The following TNNI3K variants were observed in gnomAD, a reference collection of about 807,000 sequenced individuals.
The protein encoded by TNNI3K is TNNI3 interacting kinase, also known as serine/threonine-protein kinase TNNI3K.
A neutral mutation model predicts 114.5 loss-of-function variants in TNNI3K; 140 were observed. That is an observed-to-expected ratio of 1.22 (90% CI 1.07 to 1.41). TNNI3K has a LOEUF of 1.41. TNNI3K is among the 40% of genes most tolerant of loss of function. The pLI, the probability that TNNI3K is intolerant of heterozygous loss-of-function variation, is 0.00. For missense variants in TNNI3K, 1,125 were observed against 1,007.6 expected (o/e 1.12, Z -1.58); for synonymous variants, 347 against 347.5 (o/e 1.00, Z 0.02).
At chr1:74,432,064 G>C (rs560458146) in intron 17 of TNNI3K, among the ~76,000 whole-genome samples, 1 of 151,518 alleles carries the variant, frequency 6.6e-6, no homozygotes, top group African/African-American at 2.4e-5. Context: ...GCAAGTCTGT[G>C]TATGTGTGTG....
chr1:74,384,771 G>A (rs965091638), intron 17 of TNNI3K, among the ~76,000 whole-genome samples: 4 of 152,040 alleles, frequency 2.6e-5, no homozygotes, highest in African/African-American at 9.7e-5. Flanking sequence ...TCCTGAACTT[G>A]TTAAATTTTT....
At chr1:74,446,175 G>A (rs377543248) in intron 20 of TNNI3K, among the ~76,000 whole-genome samples, 1,970 of 151,922 alleles carry the variant, frequency 0.013, 33 homozygotes, top group East Asian at 0.054. Context: ...AAGTGTTCCT[G>A]TTTCTCCACA....
chr1:74,339,484 C>T (rs1208833506), intron 7 of TNNI3K, among the ~76,000 whole-genome samples: 3 of 152,006 alleles, frequency 2.0e-5, no homozygotes, highest in African/African-American at 7.2e-5. Context: ...TAGATCTGGA[C>T]CCTGCTTGTG....
At chr1:74,356,338 C>A (rs1661654207) in intron 11 of TNNI3K, among the ~76,000 whole-genome samples, 1 of 152,096 alleles carries the variant, frequency 6.6e-6, no homozygotes, top group African/African-American at 2.4e-5. Flanking sequence ...TATGAACATT[C>A]ATATATGTAG....
intron 2 of TNNI3K, 23 bp downstream of exon 2, chr1:74,236,233 TTCTTTGTATAAGTG>T: frequency 6.3e-7 from 1 of 1,586,416 alleles, no homozygotes; most frequent in Non-Finnish European, 8.6e-7. Flanking sequence ...GAGTCATTAT[TTCTTTGTATAAGTG>T]TCTTCAGTAT....
Position 74,492,088 on chromosome 1 carries a change from T to A in TNNI3K, c.2182-9T>A, listed in dbSNP as rs756149659. 10 of 1,524,212 alleles carry A rather than the reference T, an allele frequency of 6.6e-6. No individual in the cohort carries two copies. In the South Asian group the frequency reaches 1.3e-4, roughly 20 times the overall value. 94.4% of individuals were successfully genotyped at this position (1,524,212 alleles called of 1,614,324 possible). A position where few individuals can be genotyped will look rare whatever the true frequency, so the allele number is the denominator to read the frequency against. ...ATTAAACAATTGAAATTGCCCCTCC[T>A]CCACTCAGCTGATGTCTCCTGCATC... On this transcript the variant is annotated splice_polypyrimidine_tract_variant and intron_variant, in intron 22 of 24. Transcript: ENST00000326637.
At chr1:74,247,656 T>C (rs1193855176) in intron 2 of TNNI3K, among the ~76,000 whole-genome samples, 1 of 151,998 alleles carries the variant, frequency 6.6e-6, no homozygotes, top group African/African-American at 2.4e-5. Flanking sequence ...GCATTTACAA[T>C]CCTCTAGCTA....
At chr1:74,329,044 ACTGACAGAT>A (rs1660062248) in intron 5 of TNNI3K, among the ~76,000 whole-genome samples, 1 of 152,106 alleles carries the variant, frequency 6.6e-6, no homozygotes. Flanking sequence ...TGGAGCCTCT[ACTGACAGAT>A]GGCTTCTTCC....
rs115753067 is a variant in TNNI3K, at chr1:74,467,088, C to G, written c.2121+3538C>G. ...AAAAAGAGTAACACTTGAGCTGAGG[C>G]CATAAACAGTAGTTTTCTGAAAGAA... On this transcript the variant is annotated intron_variant, in intron 21 of 24. Coordinates refer to ENST00000326637, the MANE Select transcript of TNNI3K (RefSeq NM_015978.3). Among the ~76,000 whole-genome samples, 1,490 of 152,126 alleles carry G rather than the reference C, an allele frequency of 9.8e-3. 14 individuals carry two copies. Among genetic ancestry groups the G allele is most frequent in the African/African-American group, 0.03 (1,234 of 41,496 alleles).
intron 20 of TNNI3K, among the ~76,000 whole-genome samples, chr1:74,458,219 G>A (rs1055940171): frequency 1.3e-5 from 2 of 152,112 alleles, no homozygotes; most frequent in African/African-American, 4.8e-5. Context: ...TCACATGCTA[G>A]TAAGAGGGCA....
At chr1:74,345,929 T>A (rs1240292447) in intron 9 of TNNI3K, 1 of 152,226 alleles carries the variant, frequency 6.6e-6, no homozygotes, top group Non-Finnish European at 1.5e-5. Context: ...TTTCAACAAA[T>A]CTGTGTGCAA....
intron 5 of TNNI3K, among the ~76,000 whole-genome samples, chr1:74,289,340 A>G (rs1390854634): frequency 6.6e-6 from 1 of 151,996 alleles, no homozygotes; most frequent in Non-Finnish European, 1.5e-5. Flanking sequence ...TCTTCTCCCC[A>G]TTTAATATAT....
At chr1:74,368,672 C>A (rs968801772) in intron 13 of TNNI3K, among the ~76,000 whole-genome samples, 4 of 151,784 alleles carry the variant, frequency 2.6e-5, no homozygotes, top group Non-Finnish European at 4.4e-5. Context: ...AGGAATAGAC[C>A]TTCAGCCCTG....
intron 2 of TNNI3K, among the ~76,000 whole-genome samples, chr1:74,245,598 A>G (rs906315061): frequency 3.9e-5 from 6 of 152,234 alleles, no homozygotes; most frequent in African/African-American, 1.4e-4. Flanking sequence ...CTTGTAAAGT[A>G]CTTACACTTG....
chr1:74,358,463 T>C (rs1275177787), intron 11 of TNNI3K, among the ~76,000 whole-genome samples: 1 of 152,102 alleles, frequency 6.6e-6, no homozygotes, highest in Non-Finnish European at 1.5e-5. Flanking sequence ...TAATGAAATC[T>C]TACAGTCATG....
chr1:74,335,287 G>A (rs942979416), intron 6 of TNNI3K, among the ~76,000 whole-genome samples: 3 of 152,168 alleles, frequency 2.0e-5, no homozygotes, highest in Admixed American at 6.5e-5. Context: ...TTCTAGATTC[G>A]AATCTAGGAC....
At chr1:74,342,337 A>G (rs1660787424) in intron 7 of TNNI3K, among the ~76,000 whole-genome samples, 1 of 152,166 alleles carries the variant, frequency 6.6e-6, no homozygotes, top group South Asian at 2.1e-4. Context: ...TGCTTTGCAT[A>G]CTGTAGTATG....
chr1:74,249,634 T>C, intron 3 of TNNI3K, 90 bp downstream of exon 3: 1 of 1,270,384 alleles, frequency 7.9e-7, no homozygotes, highest in South Asian at 1.7e-5. Flanking sequence ...AAAAGAATTC[T>C]ATTCATACTC....
At chr1:74,318,864 C>T (rs1040333592) in intron 5 of TNNI3K, among the ~76,000 whole-genome samples, 1 of 152,214 alleles carries the variant, frequency 6.6e-6, no homozygotes, top group Non-Finnish European at 1.5e-5. Context: ...TGTTGCTCCT[C>T]TTTTAATATT....
Sources: gnomAD v4.1 joint callset for allele counts (sites outside exome capture counted in the v4.1 genomes callset) on GRCh38, gnomAD v4.1.1 for gene constraint, MANE v1.5 for transcripts, NCBI Gene and HGNC (gene_info 2026-07-23, HGNC 2026-07-21) for gene names.